The following KCNK2 variants were observed in gnomAD, a reference collection of about 807,000 sequenced individuals.
The protein encoded by KCNK2 is potassium channel subfamily K member 2.
In KCNK2, 21 loss-of-function variants were observed where a neutral mutation model predicts 40.5. The ratio of observed to expected loss-of-function variants is 0.52; its 90% CI spans 0.37 to 0.75. KCNK2 has a LOEUF of 0.75. Among genes scored for constraint, KCNK2 ranks in the 30% least tolerant of loss-of-function variants. KCNK2 has a pLI of 0.00. For synonymous variants in KCNK2, 191 were observed against 202.2 expected (o/e 0.94, Z 0.47); for missense variants, 399 against 531.6 (o/e 0.75, Z 2.45).
intron 3 of KCNK2, among the ~76,000 whole-genome samples, chr1:215,144,578 T>C (rs1490161782): frequency 1.3e-5 from 2 of 152,168 alleles, no homozygotes; most frequent in Non-Finnish European, 1.5e-5. Context: ...TTGAGTTTTA[T>C]CTCTTCAATC....
chr1:215,061,829 A>C (rs2102508193), intron 1 of KCNK2, among the ~76,000 whole-genome samples: 1 of 152,290 alleles, frequency 6.6e-6, no homozygotes, highest in African/African-American at 2.4e-5. Flanking sequence ...GATAAGACTG[A>C]GATTCCATGG....
intron 1 of KCNK2, among the ~76,000 whole-genome samples, chr1:215,006,678 G>A (rs1320251016): frequency 6.6e-6 from 1 of 152,032 alleles, no homozygotes; most frequent in Admixed American, 6.6e-5. Flanking sequence ...TTTAGTGCCT[G>A]TCATATAGTA....
In KCNK2 at chr1:215,086,393, T is replaced by G; in HGVS notation, c.72T>G (p.Pro24=). The part of the protein sequence containing the change: ...AGVAAPDLLD[P]KSAAQNSKPR... ...TGGCGGCACCTGACTTGCTGGATCC[T>G]AAATCTGCCGCTCAGAACTCCAAAC... The change falls in exon 2 of 7, where the codon CCT becomes CCG. Residue 24 remains proline (P), a synonymous_variant. Coordinates refer to ENST00000444842, the MANE Select transcript of KCNK2 (RefSeq NM_001017425.3). 6.2e-7 allele frequency: 1 copy of G among 1,614,098 alleles called. No individual in the cohort carries two copies.
chr1:215,207,663 C>T (rs777553954), intron 6 of KCNK2, among the ~76,000 whole-genome samples: 4 of 152,194 alleles, frequency 2.6e-5, no homozygotes, highest in Non-Finnish European at 5.9e-5. Context: ...GGAGGTTTTA[C>T]TACACTGATA....
intron 1 of KCNK2, among the ~76,000 whole-genome samples, chr1:215,051,417 T>C (rs2102499752): frequency 6.6e-6 from 1 of 152,364 alleles, no homozygotes; most frequent in South Asian, 2.1e-4. Flanking sequence ...TCTTGATCCA[T>C]CATATTACAG....
At chr1:215,051,162 A>G (rs542057980) in intron 1 of KCNK2, among the ~76,000 whole-genome samples, 3 of 152,276 alleles carry the variant, frequency 2.0e-5, no homozygotes, top group African/African-American at 7.2e-5. Flanking sequence ...CGCCACCTCG[A>G]AATCCTAGAT....
chr1:215,138,611 G>A (rs933589094), intron 3 of KCNK2, among the ~76,000 whole-genome samples: 1 of 152,144 alleles, frequency 6.6e-6, no homozygotes, highest in East Asian at 1.9e-4. Flanking sequence ...ATAATTAGCC[G>A]AGCATGGTGG....
intron 3 of KCNK2, among the ~76,000 whole-genome samples, chr1:215,148,291 T>C (rs556244638): frequency 6.6e-5 from 10 of 151,696 alleles, no homozygotes; most frequent in Non-Finnish European, 1.0e-4. Flanking sequence ...CCCAGGCTGG[T>C]CTTGAACTCC....
intron 1 of KCNK2, among the ~76,000 whole-genome samples, chr1:215,008,079 A>G (rs891854775): frequency 6.6e-6 from 1 of 151,610 alleles, no homozygotes; most frequent in Admixed American, 6.6e-5. Context: ...TGGGACCTTG[A>G]CCAAGAAATG....
chr1:215,018,835 T>C (rs542710123), intron 1 of KCNK2, among the ~76,000 whole-genome samples: 1 of 152,246 alleles, frequency 6.6e-6, no homozygotes, highest in South Asian at 2.1e-4. Context: ...AAATTTGCAT[T>C]CTTAAAAGAT....
chr1:215,083,194 T>TCCCCCCCCCCCCCCC lies in KCNK2; in HGVS notation c.-183_-182insCCCCCCCCCCCCCCC. ...CCCGCGATTTCGTTTCTTCTCACGC[T>TCCCCCCCCCCCCCCC]CCCCCCCCCGCCCCCTCCCGCGTCC... On this transcript the variant is annotated 5_prime_UTR_variant, in exon 1 of 7. Coordinates refer to ENST00000444842, the MANE Select transcript of KCNK2 (RefSeq NM_001017425.3). 2.0e-6 allele frequency: 1 copy of TCCCCCCCCCCCCCCC among 501,814 alleles called. No homozygotes were observed. The highest frequency in any genetic ancestry group is 3.3e-6 in the Non-Finnish European group (1 of 301,554). The allele number at this position is 501,814 out of a possible 1,614,324, so 31.1% of individuals were successfully genotyped here.
At chr1:215,210,002 AT>A (rs1336395676) in intron 6 of KCNK2, among the ~76,000 whole-genome samples, 1 of 65,564 alleles carries the variant, frequency 1.5e-5, no homozygotes. Flanking sequence ...TATAATATAT[AT>A]TATATATAAT....
At chr1:215,143,506 C>T (rs940082453) in intron 3 of KCNK2, among the ~76,000 whole-genome samples, 4 of 152,148 alleles carry the variant, frequency 2.6e-5, no homozygotes, top group Non-Finnish European at 4.4e-5. Context: ...AAGTGTTTTA[C>T]ATATGTTATG....
At chr1:215,016,149 G>C (rs937625512) in intron 1 of KCNK2, among the ~76,000 whole-genome samples, 4 of 152,018 alleles carry the variant, frequency 2.6e-5, no homozygotes, top group Non-Finnish European at 5.9e-5. Flanking sequence ...AAATATAATA[G>C]TTGAAACACA....
At chr1:215,195,907 A>G (rs559243123) in intron 6 of KCNK2, among the ~76,000 whole-genome samples, 36 of 152,296 alleles carry the variant, frequency 2.4e-4, no homozygotes, top group Admixed American at 3.3e-4. Context: ...CTGTCCCTAT[A>G]GTACCCATTG....
In KCNK2 at chr1:215,172,093, T is replaced by A. The variant is rs978654379; in HGVS notation, c.733T>A (p.Phe245Ile). The change falls in exon 5 of 7, where the codon TTC becomes ATC. Residue 245 changes from phenylalanine (F) to isoleucine (I), a missense_variant. Transcript: ENST00000444842. ...VLFVALPAII[F>I]KHIEGWSALD... ...CTTTGTGGCTCTGCCTGCGATCATA[T>A]TCAAACACATAGAAGGCTGGAGTGC... 6.2e-7 allele frequency: 1 copy of A among 1,613,646 alleles called. No homozygotes were observed. The highest frequency in any genetic ancestry group is 2.2e-5 in the East Asian group (1 of 44,840).
chr1:215,083,233 C>G lies in KCNK2; in HGVS notation c.-153C>G. 3 of 1,607,406 alleles carry G rather than the reference C, an allele frequency of 1.9e-6. No homozygotes were observed. Among genetic ancestry groups the G allele is most frequent in the East Asian group, 2.2e-5 (1 of 44,558 alleles). On this transcript the variant is annotated 5_prime_UTR_variant, in exon 1 of 7. Transcript: ENST00000444842. ...CCTCCCGCGTCCAGCCCCGCTCTCCCCACCTTGTAAAACAAAGCCGGGGAA... is the reference window on the plus strand; with the variant it reads ...CCTCCCGCGTCCAGCCCCGCTCTCCGCACCTTGTAAAACAAAGCCGGGGAA...
At chr1:215,018,462 C>T (rs1452610) in intron 1 of KCNK2, among the ~76,000 whole-genome samples, 85,162 of 151,978 alleles carry the variant, frequency 0.56, 25,536 homozygotes, top group South Asian at 0.78. Context: ...AGCAGGATAA[C>T]AACTGCAATA....
chr1:215,193,284 A>G (rs1403462549), intron 5 of KCNK2, among the ~76,000 whole-genome samples: 4 of 152,130 alleles, frequency 2.6e-5, no homozygotes, highest in Non-Finnish European at 4.4e-5. Flanking sequence ...GGGCAAATCC[A>G]TGCTCTGTTT....
Sources: allele counts gnomAD v4.1 joint callset (sites outside exome capture counted in the v4.1 genomes callset), GRCh38; gene constraint gnomAD v4.1.1; transcripts MANE v1.5; gene names NCBI Gene and HGNC (gene_info 2026-07-23, HGNC 2026-07-21).